The following EEIG1 variants were observed in gnomAD, a reference collection of about 807,000 sequenced individuals.
EEIG1 encodes the protein estrogen-induced osteoclastogenesis regulator 1, also known as early estrogen-induced gene 1 protein.
At chr9:127,953,648 C>A in the EEIG1 span, 1 of 1,612,242 alleles carries the variant, frequency 6.2e-7, no homozygotes, top group Admixed American at 1.7e-5. Context: ...ACTGCAGAAT[C>A]CCAGGGACCT....
chr9:127,953,894 G>A, the EEIG1 span: 3 of 1,613,782 alleles, frequency 1.9e-6, no homozygotes, highest in Non-Finnish European at 2.5e-6. Context: ...AACCTCTTTC[G>A]CCACCGCACA....
chr9:127,976,721 A>G, the EEIG1 span, among the ~76,000 whole-genome samples: 1 of 152,202 alleles, frequency 6.6e-6, no homozygotes, highest in African/African-American at 2.4e-5. The surrounding 1 kb of genome is among the most constrained non-coding windows in gnomAD (Gnocchi z 4.1). Flanking sequence ...GCTGTTGCCA[A>G]GGCACCCAGC....
chr9:127,943,292 C>A, the EEIG1 span: 8 of 1,549,980 alleles, frequency 5.2e-6, no homozygotes, highest in African/African-American at 1.1e-4. Flanking sequence ...TTCCTGAGCG[C>A]TCCACTGGAC....
the EEIG1 span, among the ~76,000 whole-genome samples, chr9:127,974,745 A>C: frequency 6.6e-6 from 1 of 152,008 alleles, no homozygotes; most frequent in African/African-American, 2.4e-5. Context: ...CACTGCCCCC[A>C]CCTAGCTGGC....
the EEIG1 span, among the ~76,000 whole-genome samples, chr9:127,974,371 A>C: frequency 1.3e-5 from 2 of 151,894 alleles, no homozygotes; most frequent in African/African-American, 4.8e-5. Context: ...AACTTACTCC[A>C]TCCCCTCCTC....
the EEIG1 span, chr9:127,980,032 G>A: frequency 6.2e-7 from 1 of 1,613,586 alleles, no homozygotes. Context: ...TCCAGCAGCC[G>A]GACCTTGCAG....
At chr9:127,978,148 A>G in the EEIG1 span, among the ~76,000 whole-genome samples, 1 of 152,180 alleles carries the variant, frequency 6.6e-6, no homozygotes, top group Non-Finnish European at 1.5e-5. Context: ...CCAACAGAAC[A>G]GGGAGCCAGT....
chr9:127,950,415 C>G, the EEIG1 span: 1 of 1,613,376 alleles, frequency 6.2e-7, no homozygotes, highest in Non-Finnish European at 8.5e-7. Context: ...TGGCAGGATC[C>G]CTGGTACCTT....
chr9:127,952,585 C>G, the EEIG1 span, among the ~76,000 whole-genome samples: 1 of 152,378 alleles, frequency 6.6e-6, no homozygotes, highest in East Asian at 1.9e-4. Flanking sequence ...AGCAGCAGGG[C>G]TGGCTGAGTC....
the EEIG1 span, among the ~76,000 whole-genome samples, chr9:127,960,419 G>C: frequency 6.6e-6 from 1 of 152,186 alleles, no homozygotes; most frequent in Non-Finnish European, 1.5e-5. Flanking sequence ...CAGCGGCTCT[G>C]TCTTGCCCCC....
At chr9:127,945,541 C>T in the EEIG1 span, 2 of 1,563,948 alleles carry the variant, frequency 1.3e-6, no homozygotes, top group South Asian at 1.2e-5. This position sits in a 1 kb window ranked among gnomAD's most constrained non-coding sequence, Gnocchi z 6.5. Flanking sequence ...GCTGGAGGAG[C>T]GCGAGTGCTC....
the EEIG1 span, chr9:127,944,221 A>C: frequency 3.7e-6 from 1 of 273,612 alleles, no homozygotes; most frequent in Non-Finnish European, 7.1e-6. Flanking sequence ...GTGCTAGGGA[A>C]AGATTTGTTC....
chr9:127,961,165 C>T, the EEIG1 span, among the ~76,000 whole-genome samples: 1 of 152,248 alleles, frequency 6.6e-6, no homozygotes, highest in Non-Finnish European at 1.5e-5. Context: ...GCCCCATCTG[C>T]GTCCAGACCC....
At chr9:127,957,879 G>A in the EEIG1 span, among the ~76,000 whole-genome samples, 2 of 152,168 alleles carry the variant, frequency 1.3e-5, no homozygotes, top group Non-Finnish European at 2.9e-5. Flanking sequence ...TAGGCATGAT[G>A]GCATGTGCCT....
chr9:127,961,483 T>G, the EEIG1 span, among the ~76,000 whole-genome samples: 2 of 152,176 alleles, frequency 1.3e-5, no homozygotes, highest in Non-Finnish European at 2.9e-5. Context: ...TTCAGAAACC[T>G]TTTATGAAGC....
At chr9:127,967,780 T>G in the EEIG1 span, among the ~76,000 whole-genome samples, 1 of 152,086 alleles carries the variant, frequency 6.6e-6, no homozygotes, top group Non-Finnish European at 1.5e-5. Flanking sequence ...TCTGTCCCTG[T>G]CTCACAGAGT....
At chr9:127,953,494 A>T in the EEIG1 span, 1 of 1,307,966 alleles carries the variant, frequency 7.6e-7, no homozygotes, top group African/African-American at 1.5e-5. Context: ...TGTGGCAGAA[A>T]AGGGGCTGGA....
the EEIG1 span, chr9:127,944,504 C>T: frequency 1.3e-6 from 1 of 765,090 alleles, no homozygotes; most frequent in South Asian, 1.6e-5. Flanking sequence ...CCCAGGGTCA[C>T]ACTGTGGCGA....
At chr9:127,945,432 C>T in the EEIG1 span, 1 of 1,566,826 alleles carries the variant, frequency 6.4e-7, no homozygotes, top group African/African-American at 1.3e-5. The surrounding 1 kb of genome is among the most constrained non-coding windows in gnomAD (Gnocchi z 6.5). Flanking sequence ...GGGGCCGGTG[C>T]TCCCGCTCAC....
Sources: gnomAD v4.1 joint callset for allele counts (sites outside exome capture counted in the v4.1 genomes callset) on GRCh38, gnomAD v4.1.1 for gene constraint, Gnocchi (gnomAD v3.1) non-coding constraint, MANE v1.5 for transcripts, NCBI Gene and HGNC (gene_info 2026-07-23, HGNC 2026-07-21) for gene names.